Variants in DNAJC10 observed in about 807,000 individuals in gnomAD.
DNAJC10 encodes the protein DnaJ heat shock protein family (Hsp40) member C10.
DNAJC10 carries 101 observed loss-of-function variants against 115.0 expected under a neutral mutation model. The ratio of observed to expected loss-of-function variants is 0.88; its 90% CI spans 0.75 to 1.04. The LOEUF is 1.04. Among genes scored for constraint, DNAJC10 ranks in the 50% least tolerant of loss-of-function variants. The pLI, the probability that DNAJC10 is intolerant of heterozygous loss-of-function variation, is 0.00. For synonymous variants in DNAJC10, 307 were observed against 301.5 expected, an observed-to-expected ratio of 1.02 and a Z score of -0.19; for missense variants, 981 against 928.8, an observed-to-expected ratio of 1.06 and a Z score of -0.73.
At chr2:182,726,100 A>G (rs1693276000) in intron 5 of DNAJC10, among the ~76,000 whole-genome samples, 1 of 152,148 alleles carries the variant, frequency 6.6e-6, no homozygotes, top group South Asian at 2.1e-4. Context: ...GAAGGAGGTC[A>G]AAATATCAGT....
At chr2:182,765,957 G>A (rs1694400634) in intron 22 of DNAJC10, among the ~76,000 whole-genome samples, 1 of 152,150 alleles carries the variant, frequency 6.6e-6, no homozygotes, top group Admixed American at 6.6e-5. Flanking sequence ...CTGGTCTGGG[G>A]GTAGCATGTA....
chr2:182,748,832 T>C (rs1366822419), intron 14 of DNAJC10, among the ~76,000 whole-genome samples: 2 of 152,146 alleles, frequency 1.3e-5, no homozygotes, highest in Non-Finnish European at 2.9e-5. Context: ...TTTGAATGCG[T>C]CCCAGAGATT....
chr2:182,751,523 C>A (rs2105667697), intron 14 of DNAJC10, 135 bp from the exon 15 acceptor site: 1 of 953,794 alleles, frequency 1.0e-6, no homozygotes, highest in Non-Finnish European at 1.6e-6. Flanking sequence ...TAGTATACAG[C>A]ACACTAAAAC....
intron 11 of DNAJC10, among the ~76,000 whole-genome samples, chr2:182,739,232 A>ATT (rs984917773): frequency 6.2e-5 from 9 of 146,080 alleles, no homozygotes; most frequent in African/African-American, 2.0e-4. Context: ...TCTCATATAT[A>ATT]TTTATATATA....
intron 14 of DNAJC10, 99 bp downstream of exon 14, chr2:182,743,811 A>T: frequency 1.3e-6 from 1 of 775,390 alleles, no homozygotes; most frequent in Non-Finnish European, 2.1e-6. Context: ...GGACATGCTT[A>T]TTGTAAATAA....
In DNAJC10 at chr2:182,736,312, G is replaced by T; in HGVS notation, c.913G>T (p.Asp305Tyr). Reference protein sequence around the residue: ...ATQDNLCKSLDITTSTTAYFP... With the variant: ...ATQDNLCKSLYITTSTTAYFP... Reference sequence around the variant, plus strand: ...CCAGGATAACCTTTGTAAAAGCTTAGATATTACAACAAGTACTACTGCTTA... The same window carrying T: ...CCAGGATAACCTTTGTAAAAGCTTATATATTACAACAAGTACTACTGCTTA... Residue 305 changes from aspartate (D) to tyrosine (Y), a missense_variant, in exon 11 of 24, where the codon GAT becomes TAT. By Grantham distance (160) the Asp-to-Tyr change is radical (BLOSUM62 -3). Coordinates refer to ENST00000264065, the MANE Select transcript of DNAJC10 (RefSeq NM_018981.4). The T allele has an allele frequency of 6.3e-7, 1 of 1,597,086 alleles. No individual in the cohort carries two copies. The highest frequency in any genetic ancestry group is 1.1e-5 in the South Asian group (1 of 87,844).
At chr2:182,732,673 C>A in intron 10 of DNAJC10, 131 bp downstream of exon 10, 1 of 846,394 alleles carries the variant, frequency 1.2e-6, no homozygotes, top group Non-Finnish European at 1.9e-6. Context: ...TTTCTGATGA[C>A]TGTATTCATA....
intron 11 of DNAJC10, 187 bp from the exon 12 acceptor site, chr2:182,740,112 T>C: frequency 8.9e-7 from 1 of 1,123,732 alleles, no homozygotes; most frequent in Admixed American, 4.7e-5. Flanking sequence ...AGCTTAGTTA[T>C]ATAATATTTT....
rs993586883 is a variant in DNAJC10, at chr2:182,780,078, GTAAA to G, written c.*2950_*2953del. 6 of 152,106 alleles carry G rather than the reference GTAAA, an allele frequency of 3.9e-5. No homozygotes were observed. The highest frequency in any genetic ancestry group is 1.4e-4 in the African/African-American group (6 of 41,406). The allele number at this position is 152,106 out of a possible 1,614,324, so 9.4% of individuals were successfully genotyped here. A position where few individuals can be genotyped will look rare whatever the true frequency, so the allele number is the denominator to read the frequency against. ...AGAAAATTGATAATGAAGATGAAAA[GTAAA>G]TAACCTTTCTGATAATATTCTACTT... On this transcript the variant is annotated 3_prime_UTR_variant, in exon 24 of 24. Coordinates refer to ENST00000264065, the MANE Select transcript of DNAJC10 (RefSeq NM_018981.4).
intron 21 of DNAJC10, among the ~76,000 whole-genome samples, chr2:182,759,585 T>A (rs1694241795): frequency 6.6e-6 from 1 of 152,084 alleles, no homozygotes; most frequent in South Asian, 2.1e-4. Flanking sequence ...TACTTTCTCC[T>A]CCCCACCCCA....
chr2:182,775,459 G>C (rs1228634295), intron 23 of DNAJC10, 39 bp downstream of exon 23: 1 of 1,290,672 alleles, frequency 7.7e-7, no homozygotes, highest in Non-Finnish European at 1.1e-6. Flanking sequence ...GCAAAAGTTG[G>C]CAAAAGTTAG....
chr2:182,770,296 G>A lies in DNAJC10; in HGVS notation c.2266-5020G>A, dbSNP rs969335980. 3.9e-5 allele frequency among the ~76,000 whole-genome samples: 6 copies of A among 152,142 alleles called. No individual in the cohort carries two copies. In the East Asian group the frequency reaches 5.8e-4, roughly 15 times the overall value. On this transcript the variant is annotated intron_variant, in intron 22 of 23. Transcript: ENST00000264065. ...TTGCTTAGGATTGTCTTGGCAATACGGGCTCTTTTTTGGTTCCATATGAAA... is the reference window on the plus strand; with the variant it reads ...TTGCTTAGGATTGTCTTGGCAATACAGGCTCTTTTTTGGTTCCATATGAAA...
At chr2:182,719,798 C>T (rs370081047) in intron 3 of DNAJC10, among the ~76,000 whole-genome samples, 27 of 122,164 alleles carry the variant, frequency 2.2e-4, no homozygotes, top group African/African-American at 5.6e-4. Flanking sequence ...ACTTTTCTTA[C>T]TTTTTTTTTT....
intron 14 of DNAJC10, among the ~76,000 whole-genome samples, chr2:182,747,174 A>G (rs1693889531): frequency 6.6e-6 from 1 of 150,530 alleles, no homozygotes; most frequent in African/African-American, 2.4e-5. Context: ...TGATGCCTCC[A>G]GCTTTGTTCT....
At chr2:182,762,582 T>A (rs1250441848) in intron 21 of DNAJC10, 100 bp from the exon 22 acceptor site, 1 of 1,272,726 alleles carries the variant, frequency 7.9e-7, no homozygotes, top group East Asian at 2.6e-5. Context: ...GTTTTTTAAA[T>A]AAATTCTTAG....
intron 3 of DNAJC10, among the ~76,000 whole-genome samples, chr2:182,719,616 C>G (rs970517121): frequency 8.6e-5 from 13 of 151,648 alleles, no homozygotes; most frequent in African/African-American, 2.9e-4. Flanking sequence ...GATTTTACCT[C>G]AAATAGAAAA....
chr2:182,733,322 A>T lies in DNAJC10; in HGVS notation c.849+780A>T, dbSNP rs184993463. Reference sequence around the variant, plus strand: ...ACAAATTCTGTTTTATTTGATATTAAAATCACTAACTTAGTATGCTTTTGT... The same window carrying T: ...ACAAATTCTGTTTTATTTGATATTATAATCACTAACTTAGTATGCTTTTGT... On this transcript the variant is annotated intron_variant, in intron 10 of 23. Coordinates refer to ENST00000264065, the MANE Select transcript of DNAJC10 (RefSeq NM_018981.4). Among the ~76,000 whole-genome samples the T allele has an allele frequency of 3.8e-3, 578 of 151,982 alleles. 1 individual carries two copies. The highest frequency in any genetic ancestry group is 6.6e-3 in the Non-Finnish European group (445 of 67,828).
At chr2:182,740,213 A>G (rs1693696541) in intron 11 of DNAJC10, 86 bp from the exon 12 acceptor site, 6 of 1,185,758 alleles carry the variant, frequency 5.1e-6, no homozygotes, top group Non-Finnish European at 6.6e-6. Flanking sequence ...TCCTAAAAAT[A>G]CTACATTGGA....
chr2:182,733,822 TAGATA>T (rs1279496640), intron 10 of DNAJC10, among the ~76,000 whole-genome samples: 17 of 151,116 alleles, frequency 1.1e-4, no homozygotes, highest in South Asian at 4.2e-4. Context: ...GATAGATAGA[TAGATA>T]GATTTTCTAC....
Sources: gnomAD v4.1 joint callset for allele counts (sites outside exome capture counted in the v4.1 genomes callset) on GRCh38, gnomAD v4.1.1 for gene constraint, MANE v1.5 for transcripts, NCBI Gene and HGNC (gene_info 2026-07-23, HGNC 2026-07-21) for gene names.